Variants in RBM18 observed in about 807,000 individuals in gnomAD.
RBM18 encodes the protein probable RNA-binding protein 18.
In RBM18, 18 loss-of-function variants were observed where a neutral mutation model predicts 26.4. The ratio of observed to expected loss-of-function variants is 0.68; its 90% confidence interval spans 0.47 to 1.01. RBM18 has a LOEUF of 1.01. RBM18 is among the 50% of genes least tolerant of loss of function. The pLI, the probability that RBM18 is intolerant of heterozygous loss-of-function variation, is 0.00. For missense variants in RBM18, 180 were observed against 219.2 expected, an observed-to-expected ratio of 0.82 and a Z score of 1.13; for synonymous variants, 74 against 81.1, an observed-to-expected ratio of 0.91 and a Z score of 0.47.
intron 1 of RBM18, among the ~76,000 whole-genome samples, chr9:122,263,663 G>T (rs1256230390): frequency 6.6e-6 from 1 of 152,182 alleles, no homozygotes; most frequent in Non-Finnish European, 1.5e-5. Context: ...ATGTGACAGG[G>T]ACTCGACGAC....
At chr9:122,262,876 T>A (rs555663164) in intron 1 of RBM18, among the ~76,000 whole-genome samples, 1 of 152,180 alleles carries the variant, frequency 6.6e-6, no homozygotes, top group African/African-American at 2.4e-5. Context: ...TGAGCCACCA[T>A]GCCCAGCACA....
At chr9:122,256,768 T>A (rs1390482012) in intron 2 of RBM18, among the ~76,000 whole-genome samples, 1 of 152,214 alleles carries the variant, frequency 6.6e-6, no homozygotes, top group Non-Finnish European at 1.5e-5. Context: ...ATTTCCTATA[T>A]AATAGGGAAA....
At chr9:122,243,966 G>T in intron 5 of RBM18, 1 of 595,512 alleles carries the variant, frequency 1.7e-6, no homozygotes, top group Non-Finnish European at 2.1e-6. Flanking sequence ...GTAACATGAA[G>T]ACCACCAAGC....
intron 3 of RBM18, 100 bp downstream of exon 3, chr9:122,251,747 C>G: frequency 9.4e-7 from 1 of 1,069,470 alleles, no homozygotes; most frequent in Non-Finnish European, 1.4e-6. Context: ...GACATGGCTC[C>G]TGCCTACAGG....
intron 5 of RBM18, chr9:122,243,620 G>C (rs1831459552): frequency 5.0e-6 from 3 of 596,036 alleles, no homozygotes; most frequent in Middle Eastern, 8.3e-4. Context: ...TGCGTTAATG[G>C]TCTATGGCCA....
intron 1 of RBM18, among the ~76,000 whole-genome samples, chr9:122,263,774 C>T (rs1158005144): frequency 6.6e-6 from 1 of 152,128 alleles, no homozygotes; most frequent in Non-Finnish European, 1.5e-5. Flanking sequence ...AGGAATAATA[C>T]CAATAGCTAT....
Position 122,241,918 on chromosome 9 carries a change from G to A in RBM18, c.539C>T (p.Pro180Leu). 6.2e-7 allele frequency: 1 copy of A among 1,614,074 alleles called. No individual in the cohort carries two copies. Among genetic ancestry groups the A allele is most frequent in the Non-Finnish European group, 8.5e-7 (1 of 1,179,976 alleles). ...AGATTTCCATGCTGTTCTAGAATAT[G>A]GAGTAGTCCTTTTTTTATCTGGTGG... Reference protein sequence around the residue: ...FKPPDKKRTTPYSRTAWKSRR With the variant: ...FKPPDKKRTTLYSRTAWKSRR The change falls in exon 6 of 6, where the codon CCA becomes CTA. Residue 180 changes from proline to leucine, a missense_variant. This residue lies in a region of RBM18 where 103 missense variants were observed against 102.8 expected (regional missense o/e 1.00). Coordinates refer to ENST00000417201, the MANE Select transcript of RBM18 (RefSeq NM_033117.4).
At chr9:122,263,379 A>G (rs533054834) in intron 1 of RBM18, among the ~76,000 whole-genome samples, 1 of 152,382 alleles carries the variant, frequency 6.6e-6, no homozygotes, top group South Asian at 2.1e-4. Context: ...AGAAAGGTGA[A>G]ACAGACATAA....
intron 1 of RBM18, among the ~76,000 whole-genome samples, chr9:122,263,883 A>T (rs10760220): frequency 6.6e-6 from 1 of 152,098 alleles, no homozygotes; most frequent in South Asian, 2.1e-4. Flanking sequence ...TAGTAACTGC[A>T]CCTTTAGCAA....
chr9:122,250,756 A>G (rs1412082273), intron 3 of RBM18, among the ~76,000 whole-genome samples: 2 of 152,162 alleles, frequency 1.3e-5, no homozygotes, highest in African/African-American at 2.4e-5. Context: ...TGAAGAAACA[A>G]AAAGACTGGA....
rs79017494 is a variant in RBM18 at position 122,258,942 on chromosome 9, A to G, written c.113+2438T>C. Among the ~76,000 whole-genome samples the G allele has an allele frequency of 3.7e-3, 566 of 151,898 alleles. 2 individuals are homozygous for G. The highest frequency in any genetic ancestry group is 7.0e-3 in the Admixed American group (107 of 15,262). ...AAAAAAAAAAGAAGAAGAAGAAAAAAGAATCTATAGGAAAAAATAATAAAA... is the reference window on the plus strand; with the variant it reads ...AAAAAAAAAAGAAGAAGAAGAAAAAGGAATCTATAGGAAAAAATAATAAAA... On this transcript the variant is annotated intron_variant, in intron 2 of 5. Transcript: ENST00000417201.
intron 2 of RBM18, among the ~76,000 whole-genome samples, chr9:122,252,714 A>G (rs980314650): frequency 3.3e-5 from 5 of 152,238 alleles, no homozygotes; most frequent in African/African-American, 1.2e-4. Flanking sequence ...AGTTGCCTTA[A>G]AACAGTTTAT....
chr9:122,254,606 C>T (rs1831660007), intron 2 of RBM18, among the ~76,000 whole-genome samples: 1 of 152,242 alleles, frequency 6.6e-6, no homozygotes, highest in African/African-American at 2.4e-5. Flanking sequence ...ATATCTGCAA[C>T]TTAATCAGTG....
In RBM18 at chr9:122,254,977, G is replaced by A. The variant is rs118072048; in HGVS notation, c.114-3004C>T. ...GAGTACTAAAGACAAAGGTGAAAAA[G>A]GGTCTGATCCATTGGAGTAGAGTGG... is the stretch of plus-strand genomic sequence containing the variant. On this transcript the variant is annotated intron_variant, in intron 2 of 5. Transcript: ENST00000417201. Among the ~76,000 whole-genome samples, 1,500 of 152,310 alleles carry A rather than the reference G, an allele frequency of 9.8e-3. 12 individuals carry two copies. Among genetic ancestry groups the A allele is most frequent in the Non-Finnish European group, 0.014 (923 of 68,032 alleles).
intron 2 of RBM18, among the ~76,000 whole-genome samples, chr9:122,259,685 T>C (rs1831754569): frequency 6.6e-6 from 1 of 152,150 alleles, no homozygotes; most frequent in East Asian, 1.9e-4. Context: ...CCTTGTCTCA[T>C]CTCATACTCA....
At chr9:122,249,664 G>A (rs1009140342) in intron 3 of RBM18, among the ~76,000 whole-genome samples, 6 of 151,250 alleles carry the variant, frequency 4.0e-5, no homozygotes, top group Admixed American at 2.0e-4. Flanking sequence ...AGCTGTGATC[G>A]TGCCACTATA....
At chr9:122,246,070 T>A (rs1831501705) in intron 4 of RBM18, among the ~76,000 whole-genome samples, 2 of 152,356 alleles carry the variant, frequency 1.3e-5, no homozygotes, top group South Asian at 4.1e-4. Flanking sequence ...GAGTGAAGAA[T>A]AAAAGTTGTA....
At chr9:122,254,674 T>C (rs762350055) in intron 2 of RBM18, among the ~76,000 whole-genome samples, 8 of 152,234 alleles carry the variant, frequency 5.3e-5, no homozygotes, top group Non-Finnish European at 1.0e-4. Flanking sequence ...AAATAATTAA[T>C]CTATACACAT....
In RBM18 at chr9:122,255,969, T is replaced by C. The variant is rs185943095; in HGVS notation, c.114-3996A>G. 1.8e-4 allele frequency among the ~76,000 whole-genome samples: 27 copies of C among 152,126 alleles called. No homozygotes were observed. In the East Asian group the frequency reaches 4.6e-3, roughly 26 times the overall value. On this transcript the variant is annotated intron_variant, in intron 2 of 5. Coordinates refer to ENST00000417201, the MANE Select transcript of RBM18 (RefSeq NM_033117.4). Reference sequence around the variant, plus strand: ...TTGCTTGAGGCTGGGAGGTGGAGGTTGCAGTGAGCTGAGATTGAGCCACTG... The same window carrying C: ...TTGCTTGAGGCTGGGAGGTGGAGGTCGCAGTGAGCTGAGATTGAGCCACTG...
Sources: allele counts gnomAD v4.1 joint callset (sites outside exome capture counted in the v4.1 genomes callset), GRCh38; gene constraint gnomAD v4.1.1; regional missense constraint gnomAD v4.1.1; transcripts MANE v1.5; gene names NCBI Gene and HGNC (gene_info 2026-07-23, HGNC 2026-07-21).